Variants in EIF4A3 observed in about 807,000 individuals in gnomAD.
EIF4A3 encodes the protein eukaryotic initiation factor 4A-III.
EIF4A3 carries 1 observed loss-of-function variant against 55.6 expected under a neutral mutation model. The observed-to-expected ratio is 0.02, with a 90% CI of 0.01 to 0.09. EIF4A3 has a LOEUF of 0.09. Ranked by LOEUF, EIF4A3 falls within the 10% of genes least tolerant of loss-of-function variation. The pLI is 1.00. For synonymous variants in EIF4A3, 194 were observed against 196.3 expected (o/e 0.99, Z 0.10); for missense variants, 221 against 540.7 (o/e 0.41, Z 5.86).
chr17:80,136,163 T>G (rs1053691017), intron 10 of EIF4A3, 32 bp from the exon 11 acceptor site: 2 of 1,613,554 alleles, frequency 1.2e-6, no homozygotes, highest in South Asian at 1.1e-5. Context: ...ACAGTTAGTA[T>G]ATATAACAAT....
In EIF4A3 at chr17:80,141,180, A is replaced by T. The variant is rs529278764; in HGVS notation, c.372+139T>A. 1,200 of 840,182 alleles carry T rather than the reference A, an allele frequency of 1.4e-3. 16 individuals carry two copies. The South Asian group carries it at 0.024, about 16-fold the overall frequency. 52.0% of individuals were successfully genotyped at this position (840,182 alleles called of 1,614,324 possible). A position where few individuals can be genotyped will look rare whatever the true frequency, so the allele number is the denominator to read the frequency against. On this transcript the variant is annotated intron_variant, in intron 4 of 11. Coordinates refer to ENST00000649764, the MANE Select transcript of EIF4A3 (RefSeq NM_014740.4). ...CAAACCAGCAATTTATATAATGATT[A>T]ATGGCAAAATGTTAATCAGGAAGAA... is the stretch of plus-strand genomic sequence containing the variant.
rs1172295577 is a variant in EIF4A3, at chr17:80,136,135, C to T, written c.1092-4G>A. Reference sequence around the variant, plus strand: ...GTATCGACCTGATCTCCCAATTCTTCAGGAATAAAATAATATTACAGTTAG... The same window carrying T: ...GTATCGACCTGATCTCCCAATTCTTTAGGAATAAAATAATATTACAGTTAG... On this transcript the variant is annotated splice_region_variant and splice_polypyrimidine_tract_variant and intron_variant, in intron 10 of 11. Coordinates refer to ENST00000649764, the MANE Select transcript of EIF4A3 (RefSeq NM_014740.4). The T allele has an allele frequency of 6.2e-7, 1 of 1,613,722 alleles. No homozygotes were observed. The highest frequency in any genetic ancestry group is 2.2e-5 in the East Asian group (1 of 44,888).
Position 80,140,112 on chromosome 17 carries a change from T to C in EIF4A3, c.401A>G (p.Asn134Ser), listed in dbSNP as rs367636849. 2 of 1,609,676 alleles carry C rather than the reference T, an allele frequency of 1.2e-6. No individual in the cohort carries two copies. The highest frequency in any genetic ancestry group is 1.3e-5 in the African/African-American group (1 of 74,750). The stretch of plus-strand genomic sequence containing the variant: ...TCCAATGCAGGCATGGCACTGGACA[T>C]TCATGTAGTCACCGAGAGCAAGCAG... ...KGLLALGDYMNVQCHACIGGT... is the reference protein window; with the variant it reads ...KGLLALGDYMSVQCHACIGGT... The change falls in exon 5 of 12, where the codon AAT becomes AGT. Residue 134 changes from asparagine to serine, a missense_variant. Physicochemically the swap from Asn to Ser is conservative, Grantham distance 46. This residue lies in a region of EIF4A3 where 85 missense variants were observed against 205.8 expected (regional missense o/e 0.41). Coordinates refer to ENST00000649764, the MANE Select transcript of EIF4A3 (RefSeq NM_014740.4).
At chr17:80,138,877 G>T (rs929142329) in intron 7 of EIF4A3, 144 bp downstream of exon 7, 3 of 1,085,318 alleles carry the variant, frequency 2.8e-6, no homozygotes, top group Non-Finnish European at 4.0e-6. Flanking sequence ...ACTCAGGCAA[G>T]AGGATAGCCT....
chr17:80,135,923 C>CA (rs1191605448), intron 11 of EIF4A3, 81 bp downstream of exon 11: 19 of 1,547,880 alleles, frequency 1.2e-5, no homozygotes, highest in Middle Eastern at 2.4e-4. Flanking sequence ...CCCACAACAA[C>CA]AAAAAAACAA....
In EIF4A3 at chr17:80,141,853, T is replaced by G; in HGVS notation, c.243-5A>C. ...TTTCCTGTGCCGGACTGAGACCTAT[T>G]CAAGGAAACAAAAGCAGTGGGATTA... On this transcript the variant is annotated splice_region_variant and splice_polypyrimidine_tract_variant and intron_variant, in intron 2 of 11. Transcript: ENST00000649764. 6.2e-7 allele frequency: 1 copy of G among 1,613,626 alleles called. No homozygotes were observed. Among genetic ancestry groups the G allele is most frequent in the Non-Finnish European group, 8.5e-7 (1 of 1,179,674 alleles).
chr17:80,137,266 T>C (rs1274063011), intron 9 of EIF4A3, 120 bp downstream of exon 9: 1 of 830,028 alleles, frequency 1.2e-6, no homozygotes, highest in Non-Finnish European at 1.8e-6. Flanking sequence ...GGCCTCAGCT[T>C]TCAGAGCAGA....
chr17:80,147,023 C>G lies in EIF4A3; in HGVS notation c.-62G>C, dbSNP rs1482297922. On this transcript the variant is annotated 5_prime_UTR_variant, in exon 1 of 12. Transcript: ENST00000649764. Reference sequence around the variant, plus strand: ...TGCCGACCTCGCTGCCGCTGCCGACCTCGCTGTGCCGCTGCCGACCTCGCT... The same window carrying G: ...TGCCGACCTCGCTGCCGCTGCCGACGTCGCTGTGCCGCTGCCGACCTCGCT... The G allele has an allele frequency of 2.8e-6, 4 of 1,408,010 alleles. No homozygotes were observed. Among genetic ancestry groups the G allele is most frequent in the African/African-American group, 3.5e-5 (2 of 56,846 alleles). The allele number at this position is 1,408,010 out of a possible 1,614,324, so 87.2% of individuals were successfully genotyped here.
chr17:80,138,464 G>A, intron 7 of EIF4A3, 184 bp from the exon 8 acceptor site: 1 of 606,026 alleles, frequency 1.7e-6, no homozygotes, highest in East Asian at 2.7e-5. Flanking sequence ...CCTCCATTCT[G>A]TATCCTACTT....
chr17:80,136,011 C>T lies in EIF4A3; in HGVS notation c.1212G>A (p.Pro404=), dbSNP rs377281254. ...QYYSTQIDEM[P]MNVADLI ...AGCTGGACGATTTCCTACCGTTCAT[C>T]GGCATCTCATCAATCTGAGTGGAAT... is the stretch of plus-strand genomic sequence containing the variant. The change falls in exon 11 of 12, where the codon CCG becomes CCA. Residue 404 remains proline (P), a synonymous_variant. Transcript: ENST00000649764. 24 of 1,613,758 alleles carry T rather than the reference C, an allele frequency of 1.5e-5. No homozygotes were observed. Among genetic ancestry groups the T allele is most frequent in the African/African-American group, 6.7e-5 (5 of 74,902 alleles).
chr17:80,141,735 T>C, intron 3 of EIF4A3, 47 bp downstream of exon 3: 3 of 1,557,750 alleles, frequency 1.9e-6, no homozygotes, highest in Non-Finnish European at 2.7e-6. Flanking sequence ...AAAAAGCAAG[T>C]ATTTCCTAGA....
rs1209851248 is a variant in EIF4A3 at position 80,136,296 on chromosome 17, C to T, written c.1023G>A (p.Leu341=). 6.2e-7 allele frequency: 1 copy of T among 1,613,994 alleles called. No individual in the cohort carries two copies. The highest frequency in any genetic ancestry group is 8.5e-7 in the Non-Finnish European group (1 of 1,180,006). The change falls in exon 10 of 12, where the codon TTG becomes TTA. Residue 341 remains leucine (L), a synonymous_variant. Coordinates refer to ENST00000649764, the MANE Select transcript of EIF4A3 (RefSeq NM_014740.4). ...TGATGAGGGACACCTGAGGGACATC[C>T]AACCCCCTGGCCCAGACATCTGTAG... is the stretch of plus-strand genomic sequence containing the variant. The part of the protein sequence containing the change: ...LISTDVWARG[L]DVPQVSLIIN...
At chr17:80,136,424 T>C in intron 9 of EIF4A3, 89 bp from the exon 10 acceptor site, 1 of 1,050,138 alleles carries the variant, frequency 9.5e-7, no homozygotes, top group Non-Finnish European at 1.4e-6. Context: ...TAAGGAATCC[T>C]GGCTGCAGGT....
intron 7 of EIF4A3, 108 bp downstream of exon 7, chr17:80,138,913 C>A: frequency 6.9e-7 from 1 of 1,454,664 alleles, no homozygotes; most frequent in South Asian, 1.3e-5. Flanking sequence ...ACACGAGCTT[C>A]AGCAACACAG....
In EIF4A3 at chr17:80,143,641, C is replaced by T. The variant is rs544470515; in HGVS notation, c.242+531G>A. Among the ~76,000 whole-genome samples the T allele has an allele frequency of 5.3e-5, 8 of 152,240 alleles. No homozygotes were observed. In the East Asian group the frequency reaches 7.7e-4, roughly 15 times the overall value. On this transcript the variant is annotated intron_variant, in intron 2 of 11. Coordinates refer to ENST00000649764, the MANE Select transcript of EIF4A3 (RefSeq NM_014740.4). ...TGTTTTTCCGAAATTGTGTTATATACAATTCCACATGCCAGCAAACCACTA... is the reference window on the plus strand; with the variant it reads ...TGTTTTTCCGAAATTGTGTTATATATAATTCCACATGCCAGCAAACCACTA...
chr17:80,138,516 G>A lies in EIF4A3; in HGVS notation c.729-236C>T, dbSNP rs1470451679. Reference sequence around the variant, plus strand: ...CACCACATGGAATACGATTCTAAACGAAACACTGATAAATAAATAGTCACC... The same window carrying A: ...CACCACATGGAATACGATTCTAAACAAAACACTGATAAATAAATAGTCACC... On this transcript the variant is annotated intron_variant, in intron 7 of 11. Coordinates refer to ENST00000649764, the MANE Select transcript of EIF4A3 (RefSeq NM_014740.4). The A allele has an allele frequency of 1.5e-5, 7 of 481,228 alleles. No individual in the cohort carries two copies. In the Admixed American group the frequency reaches 1.8e-4, roughly 12 times the overall value. The allele number at this position is 481,228 out of a possible 1,614,324, so 29.8% of individuals were successfully genotyped here. A position where few individuals can be genotyped will look rare whatever the true frequency, so the allele number is the denominator to read the frequency against.
chr17:80,146,105 G>A (rs1356071156), intron 1 of EIF4A3, among the ~76,000 whole-genome samples: 1 of 152,028 alleles, frequency 6.6e-6, no homozygotes, highest in African/African-American at 2.4e-5. Flanking sequence ...CACCCTACAC[G>A]TCTTTGCTAG....
intron 7 of EIF4A3, 70 bp from the exon 8 acceptor site, chr17:80,138,350 G>A: frequency 6.3e-7 from 1 of 1,580,552 alleles, no homozygotes; most frequent in Non-Finnish European, 8.6e-7. Flanking sequence ...GGCCAAGCCA[G>A]GATCCAGGGA....
intron 6 of EIF4A3, 112 bp from the exon 7 acceptor site, chr17:80,139,274 T>A: frequency 7.1e-7 from 1 of 1,408,774 alleles, no homozygotes; most frequent in Non-Finnish European, 9.6e-7. Context: ...ATAAGGTACG[T>A]TTGACAGGAA....
Sources: gnomAD v4.1 joint callset for allele counts (sites outside exome capture counted in the v4.1 genomes callset) on GRCh38, gnomAD v4.1.1 for gene constraint, gnomAD v4.1.1 regional missense constraint, MANE v1.5 for transcripts, NCBI Gene and HGNC (gene_info 2026-07-23, HGNC 2026-07-21) for gene names.